Variants in PPM1E observed in about 807,000 individuals in gnomAD.
PPM1E encodes the protein protein phosphatase, Mg2+/Mn2+ dependent 1E.
A neutral mutation model predicts 65.9 loss-of-function variants in PPM1E; 20 were observed. The ratio of observed to expected loss-of-function variants is 0.30; its 90% CI spans 0.21 to 0.44. The LOEUF is 0.44. Ranked by LOEUF, PPM1E falls within the 20% of genes least tolerant of loss-of-function variation. The pLI, the probability that PPM1E is intolerant of heterozygous loss-of-function variation, is 1.00. For synonymous variants in PPM1E, 352 were observed against 374.9 expected, an observed-to-expected ratio of 0.94 and a Z score of 0.70; for missense variants, 713 against 953.1, an observed-to-expected ratio of 0.75 and a Z score of 3.32.
At chr17:58,793,136 C>A (rs1322287594) in intron 1 of PPM1E, among the ~76,000 whole-genome samples, 1 of 151,912 alleles carries the variant, frequency 6.6e-6, no homozygotes, top group Non-Finnish European at 1.5e-5. Flanking sequence ...TTGAACTTGA[C>A]TCTCTAATTC....
intron 1 of PPM1E, among the ~76,000 whole-genome samples, chr17:58,843,717 A>G (rs2050743846): frequency 6.6e-6 from 1 of 151,842 alleles, no homozygotes; most frequent in African/African-American, 2.4e-5. Context: ...CAGAGTCACA[A>G]CTGCTCAGGA....
At chr17:58,933,658 T>C (rs1400374132) in intron 1 of PPM1E, among the ~76,000 whole-genome samples, 1 of 151,452 alleles carries the variant, frequency 6.6e-6, no homozygotes, top group Non-Finnish European at 1.5e-5. Flanking sequence ...TAGCTGGGCA[T>C]GGTGGCGGGC....
At position 58,849,614 on chromosome 17, in the gene PPM1E, T is replaced by C. The variant is rs975266485; in HGVS notation, c.464+93153T>C. 5.2e-4 allele frequency among the ~76,000 whole-genome samples: 78 copies of C among 150,876 alleles called. 1 individual carries two copies. The highest frequency in any genetic ancestry group is 9.7e-4 in the Non-Finnish European group (66 of 67,996). ...AGTTTCTTAATCCTGAGTTCTAGTT[T>C]GATTGCATTGTGGTCTGAGAGACAG... On this transcript the variant is annotated intron_variant, in intron 1 of 6. Transcript: ENST00000308249.
At chr17:58,815,891 T>A (rs556387225) in intron 1 of PPM1E, among the ~76,000 whole-genome samples, 9 of 152,262 alleles carry the variant, frequency 5.9e-5, no homozygotes, top group Non-Finnish European at 1.0e-4. Flanking sequence ...TTTGAAAATA[T>A]TTCCTTCCCC....
intron 1 of PPM1E, among the ~76,000 whole-genome samples, chr17:58,821,390 G>A (rs942365681): frequency 1.3e-5 from 2 of 152,318 alleles, no homozygotes; most frequent in East Asian, 1.9e-4. Context: ...GATTACAGGC[G>A]TGAGCCACCG....
intron 1 of PPM1E, among the ~76,000 whole-genome samples, chr17:58,914,901 G>T (rs994286117): frequency 6.6e-6 from 1 of 152,050 alleles, no homozygotes; most frequent in Non-Finnish European, 1.5e-5. Context: ...TTATTACTTA[G>T]TACCCAGGAT....
chr17:58,772,134 T>C (rs2144176854), intron 1 of PPM1E, among the ~76,000 whole-genome samples: 1 of 152,308 alleles, frequency 6.6e-6, no homozygotes, highest in South Asian at 2.1e-4. Context: ...GTTATCTTGC[T>C]GCCTCTGTAC....
intron 1 of PPM1E, among the ~76,000 whole-genome samples, chr17:58,817,884 T>A (rs937266731): frequency 4.6e-5 from 7 of 152,110 alleles, no homozygotes; most frequent in African/African-American, 1.7e-4. Context: ...CCCGAGTAGC[T>A]GGGACTACAG....
At chr17:58,971,378 T>TA (rs1215597228) in intron 4 of PPM1E, among the ~76,000 whole-genome samples, 1 of 152,182 alleles carries the variant, frequency 6.6e-6, no homozygotes, top group African/African-American at 2.4e-5. Flanking sequence ...GCCAGGTCCT[T>TA]AGTAACAGAA....
intron 1 of PPM1E, among the ~76,000 whole-genome samples, chr17:58,828,036 T>C (rs2050560235): frequency 6.6e-6 from 1 of 150,920 alleles, no homozygotes; most frequent in South Asian, 2.1e-4. Flanking sequence ...TTGGCCAACA[T>C]GGTGAAACCC....
chr17:58,909,256 C>A (rs1409777661), intron 1 of PPM1E, among the ~76,000 whole-genome samples: 2 of 151,994 alleles, frequency 1.3e-5, no homozygotes, highest in Non-Finnish European at 2.9e-5. Flanking sequence ...TGCCGCTCAC[C>A]ACCCCGCCAA....
At chr17:58,964,167 G>A (rs188580825) in intron 2 of PPM1E, among the ~76,000 whole-genome samples, 2 of 152,092 alleles carry the variant, frequency 1.3e-5, no homozygotes, top group Non-Finnish European at 2.9e-5. Flanking sequence ...GGAGGCACGT[G>A]TAGCCATTGC....
At chr17:58,764,225 G>A (rs1304091365) in intron 1 of PPM1E, among the ~76,000 whole-genome samples, 1 of 151,026 alleles carries the variant, frequency 6.6e-6, no homozygotes, top group Non-Finnish European at 1.5e-5. Context: ...AATTATATGG[G>A]GCTAATGGCT....
chr17:58,829,579 C>T (rs2050577864), intron 1 of PPM1E, among the ~76,000 whole-genome samples: 1 of 151,994 alleles, frequency 6.6e-6, no homozygotes, highest in Non-Finnish European at 1.5e-5. Context: ...TGCTGTATAC[C>T]TTCTGTACAG....
intron 1 of PPM1E, among the ~76,000 whole-genome samples, chr17:58,890,570 CTA>C (rs1248177359): frequency 1.3e-5 from 2 of 152,060 alleles, no homozygotes; most frequent in African/African-American, 2.4e-5. Flanking sequence ...ATTTTAGTGA[CTA>C]TGTGGATTTG....
chr17:58,784,076 G>T (rs1731303543), intron 1 of PPM1E, among the ~76,000 whole-genome samples: 1 of 151,720 alleles, frequency 6.6e-6, no homozygotes, highest in South Asian at 2.1e-4. Context: ...AGGCTGAAGT[G>T]CAGTGGCTCA....
chr17:58,819,962 G>T (rs1345824119), intron 1 of PPM1E, among the ~76,000 whole-genome samples: 1 of 152,052 alleles, frequency 6.6e-6, no homozygotes, highest in East Asian at 1.9e-4. Flanking sequence ...GCTTCAATCT[G>T]GGAGGCAGAG....
At chr17:58,976,259 C>T (rs2030988736) in intron 6 of PPM1E, among the ~76,000 whole-genome samples, 1 of 152,060 alleles carries the variant, frequency 6.6e-6, no homozygotes, top group Non-Finnish European at 1.5e-5. Flanking sequence ...AAAATGGTAG[C>T]TGATATGGGA....
In PPM1E at chr17:58,882,951, C is replaced by CTT. The variant is rs549698099; in HGVS notation, c.465-72679_465-72678dup. The stretch of plus-strand genomic sequence containing the variant: ...AGGTTTTCATTTTTGTTATTACTTT[C>CTT]TTTTTTTTTTTTTTTTTTTTGAGAT... On this transcript the variant is annotated intron_variant, in intron 1 of 6. Coordinates refer to ENST00000308249, the MANE Select transcript of PPM1E (RefSeq NM_014906.5). 3.3e-3 allele frequency among the ~76,000 whole-genome samples: 329 copies of CTT among 98,854 alleles called. 7 individuals are homozygous for CTT. The highest frequency in any genetic ancestry group is 5.7e-3 in the African/African-American group (147 of 25,862). The allele number at this position is 98,854 out of a possible 152,430, so 64.9% of individuals were successfully genotyped here. A position where few individuals can be genotyped will look rare whatever the true frequency, so the allele number is the denominator to read the frequency against.
Sources: allele counts gnomAD v4.1 joint callset (sites outside exome capture counted in the v4.1 genomes callset), GRCh38; gene constraint gnomAD v4.1.1; transcripts MANE v1.5; gene names NCBI Gene and HGNC (gene_info 2026-07-23, HGNC 2026-07-21).